The following SIL1 variants were observed in gnomAD, a reference collection of about 807,000 sequenced individuals.
The protein encoded by SIL1 is nucleotide exchange factor SIL1.
A neutral mutation model predicts 49.1 loss-of-function variants in SIL1; 40 were observed. That is an observed-to-expected ratio of 0.81 (90% CI 0.63 to 1.06). SIL1 has a LOEUF of 1.06. Ranked by LOEUF, SIL1 falls within the 50% of genes least tolerant of loss-of-function variation. The pLI, the probability that SIL1 is intolerant of heterozygous loss-of-function variation, is 0.00. For missense variants in SIL1, 500 were observed against 572.6 expected, an observed-to-expected ratio of 0.87 and a Z score of 1.29; for synonymous variants, 253 against 250.8, an observed-to-expected ratio of 1.01 and a Z score of -0.08.
chr5:138,993,388 A>G (rs902861425), intron 7 of SIL1, among the ~76,000 whole-genome samples: 7 of 152,194 alleles, frequency 4.6e-5, no homozygotes, highest in Admixed American at 1.3e-4. Flanking sequence ...TGCTGTTTAC[A>G]TGGAAAAAAT....
At chr5:139,101,929 T>G (rs1020786730) in intron 3 of SIL1, among the ~76,000 whole-genome samples, 4 of 152,184 alleles carry the variant, frequency 2.6e-5, no homozygotes, top group Non-Finnish European at 2.9e-5. Context: ...GCATCTGATG[T>G]TAGTGCAGAG....
intron 3 of SIL1, among the ~76,000 whole-genome samples, chr5:139,077,881 A>G (rs919851119): frequency 3.3e-5 from 5 of 152,188 alleles, no homozygotes; most frequent in African/African-American, 1.2e-4. Context: ...GGAGGAGGAG[A>G]TTATAGTGTT....
intron 7 of SIL1, among the ~76,000 whole-genome samples, chr5:139,008,113 CT>C (rs1252339253): frequency 1.3e-5 from 2 of 151,452 alleles, no homozygotes; most frequent in African/African-American, 4.8e-5. Context: ...GGTTGGTAAG[CT>C]ATTGATTATT....
chr5:139,018,347 G>C (rs1461671504), intron 7 of SIL1, among the ~76,000 whole-genome samples: 1 of 152,152 alleles, frequency 6.6e-6, no homozygotes, highest in Non-Finnish European at 1.5e-5. Context: ...TATAAGCCCA[G>C]CACTTTGGGA....
At chr5:139,037,486 C>G (rs936784886) in intron 5 of SIL1, among the ~76,000 whole-genome samples, 3 of 152,172 alleles carry the variant, frequency 2.0e-5, no homozygotes, top group African/African-American at 4.8e-5. Flanking sequence ...AATGTTAGAT[C>G]TTTTGTTACA....
chr5:139,159,327 A>T (rs1473652770), intron 1 of SIL1, among the ~76,000 whole-genome samples: 1 of 152,242 alleles, frequency 6.6e-6, no homozygotes. Flanking sequence ...ACCATAAATT[A>T]GGGCCGGAAG....
chr5:139,057,162 C>T (rs1769465975), intron 3 of SIL1, among the ~76,000 whole-genome samples: 1 of 150,994 alleles, frequency 6.6e-6, no homozygotes, highest in African/African-American at 2.4e-5. Context: ...TCTCAAGTAC[C>T]CAGGGACACA....
intron 1 of SIL1, among the ~76,000 whole-genome samples, chr5:139,161,471 A>G (rs1751512800): frequency 6.6e-6 from 1 of 152,228 alleles, no homozygotes; most frequent in Non-Finnish European, 1.5e-5. Flanking sequence ...ACATGAGTAG[A>G]GACCAGTATC....
intron 3 of SIL1, among the ~76,000 whole-genome samples, chr5:139,088,525 G>C (rs904674627): frequency 6.6e-6 from 1 of 152,206 alleles, no homozygotes; most frequent in Non-Finnish European, 1.5e-5. Context: ...AATGGGAAGA[G>C]TCCTTGTGAA....
chr5:139,187,001 T>TAAACATCCATTC (rs1158432517), intron 1 of SIL1, among the ~76,000 whole-genome samples: 2 of 152,230 alleles, frequency 1.3e-5, no homozygotes, highest in African/African-American at 4.8e-5. Context: ...AGTTTTCATG[T>TAAACATCCATTC]AAACATCCAT....
At chr5:139,191,262 A>C (rs2151823529) in intron 1 of SIL1, among the ~76,000 whole-genome samples, 1 of 149,644 alleles carries the variant, frequency 6.7e-6, no homozygotes, top group South Asian at 2.1e-4. Flanking sequence ...TTAAATACTT[A>C]CTTACAACTT....
At chr5:139,040,141 T>C (rs1482039751) in intron 5 of SIL1, among the ~76,000 whole-genome samples, 2 of 152,178 alleles carry the variant, frequency 1.3e-5, no homozygotes, top group African/African-American at 4.8e-5. Context: ...TAAAGATTAA[T>C]AAACAAAAAT....
chr5:139,156,938 G>A (rs936539455), intron 1 of SIL1, among the ~76,000 whole-genome samples: 1 of 152,152 alleles, frequency 6.6e-6, no homozygotes, highest in South Asian at 2.1e-4. Flanking sequence ...ACTCTAACCT[G>A]GGTCCTATGA....
intron 7 of SIL1, chr5:139,013,765 C>A (rs1209980904): frequency 6.6e-6 from 1 of 152,176 alleles, no homozygotes; most frequent in Non-Finnish European, 1.5e-5. Context: ...ATTGAGAAGT[C>A]TCCCAGTGCT....
intron 1 of SIL1, among the ~76,000 whole-genome samples, chr5:139,156,351 C>A (rs1394663673): frequency 6.6e-6 from 1 of 151,764 alleles, no homozygotes; most frequent in East Asian, 1.9e-4. Context: ...AAAATAACAT[C>A]CCAAAGATAT....
At chr5:139,080,790 T>C (rs1259398345) in intron 3 of SIL1, among the ~76,000 whole-genome samples, 3 of 152,218 alleles carry the variant, frequency 2.0e-5, no homozygotes, top group African/African-American at 7.2e-5. Context: ...GTGACAATTA[T>C]GTGATTCATC....
rs117214449 is a variant in SIL1 at position 138,991,951 on chromosome 5, G to C, written c.767+29220C>G. Among the ~76,000 whole-genome samples, 59 of 152,328 alleles carry C rather than the reference G, an allele frequency of 3.9e-4. No homozygotes were observed. The East Asian group carries it at 0.011, about 29-fold the overall frequency. ...AATCAGGGCTATTTCTAAAAAGGCT[G>C]GTCAGAGCTCTCTTTCAGGTTTGCT... On this transcript the variant is annotated intron_variant, in intron 7 of 9. Transcript: ENST00000394817.
intron 7 of SIL1, among the ~76,000 whole-genome samples, chr5:138,976,014 C>T (rs1293235233): frequency 1.3e-5 from 2 of 152,262 alleles, no homozygotes; most frequent in Non-Finnish European, 2.9e-5. Flanking sequence ...TGCTTCACAG[C>T]ATTGTTTCCA....
intron 3 of SIL1, among the ~76,000 whole-genome samples, chr5:139,065,913 G>A (rs1263870682): frequency 6.6e-6 from 1 of 152,214 alleles, no homozygotes; most frequent in Non-Finnish European, 1.5e-5. Context: ...ACTTTTGACA[G>A]AAGTCGTCTC....
Sources: gnomAD v4.1 joint callset for allele counts (sites outside exome capture counted in the v4.1 genomes callset) on GRCh38, gnomAD v4.1.1 for gene constraint, MANE v1.5 for transcripts, NCBI Gene and HGNC (gene_info 2026-07-23, HGNC 2026-07-21) for gene names.